ADAMTSL1: variants seen among roughly 807,000 people sequenced by gnomAD.
ADAMTSL1 encodes ADAMTS like 1.
In ADAMTSL1, 126 loss-of-function variants were observed where a neutral mutation model predicts 201.8. The ratio of observed to expected loss-of-function variants is 0.62; its 90% CI spans 0.54 to 0.72. The LOEUF (loss-of-function observed/expected upper bound fraction) is 0.72, where lower values mean the gene tolerates loss of function less well. Among genes scored for constraint, ADAMTSL1 ranks in the 30% least tolerant of loss-of-function variants. The pLI is 0.00. For synonymous variants in ADAMTSL1, 1,121 were observed against 903.4 expected, an observed-to-expected ratio of 1.24 and a Z score of -4.32; for missense variants, 2,679 against 2,277.8, an observed-to-expected ratio of 1.18 and a Z score of -3.59.
At chr9:18,740,755 G>T (rs1451365124) in intron 15 of ADAMTSL1, among the ~76,000 whole-genome samples, 1 of 152,076 alleles carries the variant, frequency 6.6e-6, no homozygotes, top group African/African-American at 2.4e-5. Flanking sequence ...AGTATTACAG[G>T]TGTGAGTCAC....
intron 1 of ADAMTSL1, among the ~76,000 whole-genome samples, chr9:18,063,142 C>T (rs1041977379): frequency 6.6e-6 from 1 of 151,858 alleles, no homozygotes; most frequent in Non-Finnish European, 1.5e-5. Flanking sequence ...CAGCCTGAGG[C>T]CAGGAGTTCA....
At chr9:18,812,324 G>A (rs188843081) in intron 20 of ADAMTSL1, among the ~76,000 whole-genome samples, 61 of 152,224 alleles carry the variant, frequency 4.0e-4, no homozygotes, top group Non-Finnish European at 6.5e-4. Context: ...ATTCAATGTA[G>A]GAAATATAAC....
At chr9:18,408,476 C>G (rs80135921) in intron 2 of ADAMTSL1, among the ~76,000 whole-genome samples, 1 of 151,702 alleles carries the variant, frequency 6.6e-6, no homozygotes, top group African/African-American at 2.4e-5. Flanking sequence ...CTCCGCACCC[C>G]CCACCCACAG....
chr9:18,649,075 C>G (rs1828017907), intron 7 of ADAMTSL1, among the ~76,000 whole-genome samples: 2 of 152,164 alleles, frequency 1.3e-5, no homozygotes, highest in African/African-American at 2.4e-5. Flanking sequence ...TTCTTGGAGG[C>G]TTTGTTCGTT....
rs561083886 is a variant in ADAMTSL1, at chr9:18,552,654, T to A, written c.237+19362T>A. 5.7e-3 allele frequency among the ~76,000 whole-genome samples: 864 copies of A among 151,886 alleles called. 5 individuals carry two copies. The highest frequency in any genetic ancestry group is 0.02 in the African/African-American group (829 of 41,530). On this transcript the variant is annotated intron_variant, in intron 3 of 28. Transcript: ENST00000380548. ...TTTAAAATCTTCTTCTTTGTTAGGTTAATTTGCCAATTTCACCTTGTAGTC... is the reference window on the plus strand; with the variant it reads ...TTTAAAATCTTCTTCTTTGTTAGGTAAATTTGCCAATTTCACCTTGTAGTC...
intron 9 of ADAMTSL1, among the ~76,000 whole-genome samples, chr9:18,667,474 C>T (rs1309134252): frequency 1.3e-5 from 2 of 152,086 alleles, no homozygotes; most frequent in African/African-American, 4.8e-5. Flanking sequence ...GAGACCCTGG[C>T]TCTGCCACTT....
Position 18,681,804 on chromosome 9 carries a change from CT to C in ADAMTSL1, c.1342-5del. On this transcript the variant is annotated splice_polypyrimidine_tract_variant and splice_region_variant and intron_variant, in intron 11 of 28. Coordinates refer to ENST00000380548, the MANE Select transcript of ADAMTSL1 (RefSeq NM_001040272.6). ...ACGAGTCTCCTCTCTCTTGCAATCT[CT>C]TTCCAGTGCACAGTGACATGTGGCC... 7 of 1,598,202 alleles carry C rather than the reference CT, an allele frequency of 4.4e-6. No homozygotes were observed. Among genetic ancestry groups the C allele is most frequent in the Non-Finnish European group, 6.0e-6 (7 of 1,171,408 alleles).
chr9:18,536,917 C>A (rs1249885440), intron 3 of ADAMTSL1, among the ~76,000 whole-genome samples: 1 of 144,096 alleles, frequency 6.9e-6, no homozygotes, highest in Non-Finnish European at 1.6e-5. Flanking sequence ...GTTTAGAGTA[C>A]TTATAAACTG....
At chr9:18,901,054 A>C (rs910922023) in intron 26 of ADAMTSL1, among the ~76,000 whole-genome samples, 3 of 152,094 alleles carry the variant, frequency 2.0e-5, no homozygotes, top group Admixed American at 2.0e-4. Context: ...CTATGATTGT[A>C]AGCTTCCTGA....
chr9:18,061,303 C>A (rs1220462906), intron 1 of ADAMTSL1, among the ~76,000 whole-genome samples: 2 of 152,140 alleles, frequency 1.3e-5, no homozygotes, highest in African/African-American at 2.4e-5. Context: ...GGTCGAGTAG[C>A]TTTTCTTTCA....
intron 4 of ADAMTSL1, chr9:18,574,560 C>T: frequency 1.9e-6 from 1 of 537,422 alleles, no homozygotes. Context: ...GAAATTATCC[C>T]CTGGATTGGC....
At chr9:18,231,974 T>C (rs933932384) in intron 2 of ADAMTSL1, among the ~76,000 whole-genome samples, 13 of 152,300 alleles carry the variant, frequency 8.5e-5, no homozygotes, top group Admixed American at 2.6e-4. Context: ...CATCCTCACC[T>C]TGCTCCTAAA....
intron 4 of ADAMTSL1, among the ~76,000 whole-genome samples, chr9:18,575,294 C>T (rs891012650): frequency 6.6e-6 from 1 of 152,104 alleles, no homozygotes; most frequent in Admixed American, 6.5e-5. Flanking sequence ...CAAACATAGT[C>T]AACCTTCCTA....
chr9:18,047,486 C>G (rs527973804), intron 1 of ADAMTSL1, among the ~76,000 whole-genome samples: 8 of 152,252 alleles, frequency 5.3e-5, no homozygotes, highest in Admixed American at 1.3e-4. Context: ...AAACATTCCT[C>G]TAAGGTATCA....
chr9:18,480,726 G>T (rs1291055163), intron 1 of ADAMTSL1, among the ~76,000 whole-genome samples: 2 of 152,198 alleles, frequency 1.3e-5, no homozygotes, highest in African/African-American at 4.8e-5. Context: ...GAACTAACAA[G>T]ATGCCACATC....
At chr9:18,178,714 T>C (rs1270571941) in intron 2 of ADAMTSL1, among the ~76,000 whole-genome samples, 1 of 151,934 alleles carries the variant, frequency 6.6e-6, no homozygotes, top group East Asian at 1.9e-4. Context: ...AGTGGGTCCC[T>C]GACCCCTGAC....
At chr9:18,392,282 T>C (rs1838084953) in intron 2 of ADAMTSL1, among the ~76,000 whole-genome samples, 4 of 152,218 alleles carry the variant, frequency 2.6e-5, no homozygotes. Context: ...TTAAATCACA[T>C]AAAGTCACTG....
chr9:18,207,278 G>T (rs1038706361), intron 2 of ADAMTSL1, among the ~76,000 whole-genome samples: 1 of 152,124 alleles, frequency 6.6e-6, no homozygotes, highest in East Asian at 1.9e-4. Flanking sequence ...AAGATTACAA[G>T]AATATTATAA....
At chr9:18,659,885 A>G (rs949730301) in intron 8 of ADAMTSL1, among the ~76,000 whole-genome samples, 3 of 151,442 alleles carry the variant, frequency 2.0e-5, no homozygotes, top group African/African-American at 7.3e-5. Context: ...CATAGGAAAT[A>G]GTTTCAAGGA....
Sources: allele counts gnomAD v4.1 joint callset (sites outside exome capture counted in the v4.1 genomes callset), GRCh38; gene constraint gnomAD v4.1.1; transcripts MANE v1.5; gene names NCBI Gene and HGNC (gene_info 2026-07-23, HGNC 2026-07-21).